The following SH3D19 variants were observed in gnomAD, a reference collection of about 807,000 sequenced individuals.
SH3D19 encodes the protein SH3 domain-containing protein 19.
A neutral mutation model predicts 112.1 loss-of-function variants in SH3D19; 58 were observed. That is an observed-to-expected ratio of 0.52 (90% CI 0.42 to 0.64). SH3D19 has a LOEUF of 0.64. Among genes scored for constraint, SH3D19 ranks in the 30% least tolerant of loss-of-function variants. The probability of loss-of-function intolerance (pLI) is 0.00; values close to 1 mark genes in which losing one functional copy is unlikely to be tolerated. For synonymous variants in SH3D19, 391 were observed against 448.5 expected, an observed-to-expected ratio of 0.87 and a Z score of 1.62; for missense variants, 1,090 against 1,263.4, an observed-to-expected ratio of 0.86 and a Z score of 2.08.
intron 1 of SH3D19, among the ~76,000 whole-genome samples, chr4:151,286,912 A>G (rs925699713): frequency 4.6e-5 from 7 of 151,522 alleles, no homozygotes; most frequent in Non-Finnish European, 1.0e-4. Flanking sequence ...TCTGGGAGGT[A>G]GAGGTTACAG....
intron 2 of SH3D19, among the ~76,000 whole-genome samples, chr4:151,209,886 T>A (rs1009395858): frequency 2.0e-5 from 3 of 152,046 alleles, no homozygotes; most frequent in African/African-American, 7.2e-5. Context: ...GGACCTGAAA[T>A]AAAAATAACA....
At chr4:151,190,184 C>T (rs1762403199) in intron 2 of SH3D19, among the ~76,000 whole-genome samples, 2 of 152,100 alleles carry the variant, frequency 1.3e-5, no homozygotes, top group South Asian at 2.1e-4. Flanking sequence ...TTCTAAGCAG[C>T]AAAGCATTCA....
chr4:151,241,694 T>A (rs1297001879), intron 1 of SH3D19, among the ~76,000 whole-genome samples: 2 of 151,900 alleles, frequency 1.3e-5, no homozygotes, highest in Non-Finnish European at 2.9e-5. Context: ...TGTGCCCAGC[T>A]AAATTGTACA....
chr4:151,124,840 T>C (rs1188356535), intron 19 of SH3D19, among the ~76,000 whole-genome samples: 1 of 152,216 alleles, frequency 6.6e-6, no homozygotes, highest in African/African-American at 2.4e-5. Context: ...ATTCTAGAAC[T>C]ATCTTATGGA....
intron 2 of SH3D19, among the ~76,000 whole-genome samples, chr4:151,216,686 A>C (rs1449167075): frequency 6.6e-6 from 1 of 152,200 alleles, no homozygotes; most frequent in Non-Finnish European, 1.5e-5. Flanking sequence ...TCCAAAGTTA[A>C]CTGCCTGCTG....
intron 1 of SH3D19, among the ~76,000 whole-genome samples, chr4:151,240,254 T>C (rs978489940): frequency 6.6e-6 from 1 of 151,024 alleles, no homozygotes; most frequent in Non-Finnish European, 1.5e-5. Context: ...AAAATAAAAA[T>C]TAAAATATTA....
At chr4:151,316,947 T>C (rs759222427) in intron 1 of SH3D19, among the ~76,000 whole-genome samples, 6 of 152,358 alleles carry the variant, frequency 3.9e-5, no homozygotes, top group Non-Finnish European at 5.9e-5. Context: ...TTGTACTTAA[T>C]TGATAGTAGA....
intron 3 of SH3D19, among the ~76,000 whole-genome samples, chr4:151,186,836 C>A (rs1761858787): frequency 6.7e-6 from 1 of 149,002 alleles, no homozygotes; most frequent in Non-Finnish European, 1.5e-5. Context: ...GCTCTGTCGC[C>A]CAGGCTGGAG....
intron 17 of SH3D19, among the ~76,000 whole-genome samples, chr4:151,130,499 A>G (rs1031346070): frequency 3.3e-5 from 5 of 152,126 alleles, no homozygotes; most frequent in African/African-American, 1.2e-4. Flanking sequence ...AAAACTAAAA[A>G]CAACAGAAGG....
intron 2 of SH3D19, among the ~76,000 whole-genome samples, chr4:151,203,117 C>A (rs2149890227): frequency 6.6e-6 from 1 of 152,260 alleles, no homozygotes; most frequent in South Asian, 2.1e-4. Flanking sequence ...AATCCCACCT[C>A]ATTCCCACAG....
chr4:151,122,511 T>TCACACACACACACACA (rs3064664), intron 19 of SH3D19, among the ~76,000 whole-genome samples: 31 of 148,520 alleles, frequency 2.1e-4, no homozygotes, highest in East Asian at 4.0e-4. Context: ...ATACCAGTTA[T>TCACACACACACACACA]CACACACACA....
intron 2 of SH3D19, among the ~76,000 whole-genome samples, chr4:151,215,051 G>A (rs13122735): frequency 0.74 from 108,860 of 147,814 alleles, 42,895 homozygotes; most frequent in Non-Finnish European, 0.89. Flanking sequence ...GGGCAAAGGC[G>A]CTCCCCACAT....
intron 1 of SH3D19, chr4:151,282,171 C>A (rs370412647): frequency 1.2e-6 from 2 of 1,613,906 alleles, no homozygotes; most frequent in East Asian, 4.5e-5. Flanking sequence ...TTTTCATATA[C>A]TGTGTGGCTA....
intron 13 of SH3D19, among the ~76,000 whole-genome samples, chr4:151,139,527 GTCTC>G (rs150271051): frequency 2.6e-5 from 4 of 151,866 alleles, no homozygotes; most frequent in African/African-American, 7.3e-5. Flanking sequence ...GTAAGGGAAA[GTCTC>G]TCTCTCTCTC....
intron 1 of SH3D19, among the ~76,000 whole-genome samples, chr4:151,313,880 C>A (rs924162378): frequency 3.9e-5 from 6 of 152,084 alleles, no homozygotes; most frequent in African/African-American, 1.4e-4. Context: ...ATGCTGGGGG[C>A]CTTCGAGTGT....
chr4:151,178,410 A>G (rs1479042334), intron 4 of SH3D19, among the ~76,000 whole-genome samples: 2 of 152,228 alleles, frequency 1.3e-5, no homozygotes, highest in African/African-American at 4.8e-5. Flanking sequence ...ACACATACTC[A>G]TGCTACATTG....
chr4:151,284,202 A>T (rs1431058154), intron 1 of SH3D19, among the ~76,000 whole-genome samples: 2 of 152,202 alleles, frequency 1.3e-5, no homozygotes, highest in Non-Finnish European at 2.9e-5. Context: ...TTCTAGATGA[A>T]ACCATAAACT....
chr4:151,277,060 G>C (rs1393329715), intron 1 of SH3D19: 2 of 721,842 alleles, frequency 2.8e-6, no homozygotes, highest in Non-Finnish European at 3.9e-6. Flanking sequence ...AGGAGGGGGT[G>C]AAGCAGAGGA....
intron 1 of SH3D19, among the ~76,000 whole-genome samples, chr4:151,267,659 T>C (rs1379013436): frequency 6.6e-6 from 1 of 152,170 alleles, no homozygotes; most frequent in Non-Finnish European, 1.5e-5. Context: ...CTATAGACTA[T>C]AGAAAGCCAG....
Sources: allele counts gnomAD v4.1 joint callset (sites outside exome capture counted in the v4.1 genomes callset), GRCh38; gene constraint gnomAD v4.1.1; transcripts MANE v1.5; gene names NCBI Gene and HGNC (gene_info 2026-07-23, HGNC 2026-07-21).